Variants in MZT2A observed in about 807,000 individuals in gnomAD.
The protein encoded by MZT2A is mitotic-spindle organizing protein 2A.
Under a neutral mutation model 12.4 loss-of-function variants are expected in MZT2A, and 8 were observed. The ratio of observed to expected loss-of-function variants is 0.64; its 90% CI spans 0.38 to 1.16. The LOEUF (loss-of-function observed/expected upper bound fraction) is 1.16. Among genes scored for constraint, MZT2A ranks in the 50% most tolerant of loss-of-function variants. MZT2A has a pLI of 0.01. For synonymous variants in MZT2A, 88 were observed against 107.5 expected (o/e 0.82, Z 1.12); for missense variants, 181 against 223.6 (o/e 0.81, Z 1.22).
At chr2:131,491,072 GCTT>G in intron 2 of MZT2A, 2 of 999,200 alleles carry the variant, frequency 2.0e-6, no homozygotes, top group Non-Finnish European at 3.0e-6. Flanking sequence ...GTCTCCTCCT[GCTT>G]CCAGGCAGGG....
intron 2 of MZT2A, chr2:131,490,819 C>A: frequency 6.5e-7 from 1 of 1,549,926 alleles, no homozygotes; most frequent in Non-Finnish European, 8.7e-7. Context: ...CCAGAGAGGC[C>A]GCAGGCTGCG....
At chr2:131,479,223 C>T, downstream of MZT2A, 24 of 1,544,240 alleles carry the variant, frequency 1.6e-5, no homozygotes, top group Non-Finnish European at 2.1e-5. Context: ...AGCATGTGCT[C>T]TGTAGAAGTG....
upstream of MZT2A, chr2:131,493,085 C>T (rs541186528): frequency 1.2e-5 from 18 of 1,494,066 alleles, no homozygotes; most frequent in African/African-American, 1.4e-5. Flanking sequence ...CGTTTTGGCG[C>T]GGTGGCGGAA....
At chr2:131,490,630 C>A (rs1393983241) in intron 2 of MZT2A, 1 of 1,548,782 alleles carries the variant, frequency 6.5e-7, no homozygotes, top group African/African-American at 1.4e-5. Context: ...CAGCTCAAAG[C>A]TGCTTGGGCC....
chr2:131,470,768 AG>A (rs1394623822), intron 3 of MZT2A, among the ~76,000 whole-genome samples: 1 of 146,768 alleles, frequency 6.8e-6, no homozygotes, highest in Admixed American at 6.6e-5. Flanking sequence ...GATTTAAATC[AG>A]GCCAGGCACT....
intron 2 of MZT2A, among the ~76,000 whole-genome samples, chr2:131,485,076 G>A (rs1330998724): frequency 6.6e-6 from 1 of 152,162 alleles, no homozygotes; most frequent in Non-Finnish European, 1.5e-5. Flanking sequence ...CGGGTAGCAG[G>A]CTTGCCCGTG....
upstream of MZT2A, chr2:131,493,163 G>A (rs1447694734): frequency 7.0e-7 from 1 of 1,434,094 alleles, no homozygotes; most frequent in Admixed American, 2.9e-5. Flanking sequence ...GGACGCGCGC[G>A]TGAGACGGTC....
In MZT2A at chr2:131,489,961, C is replaced by T. The variant is rs1303965053; in HGVS notation, c.319+1915G>A. On this transcript the variant is annotated intron_variant, in intron 2 of 2. Transcript: ENST00000309451. ...GCAACATCTCCTGGAGTGACAAGAACTCTGTTCCCAGTTTCTCCCTCCTGC... is the reference window on the plus strand; with the variant it reads ...GCAACATCTCCTGGAGTGACAAGAATTCTGTTCCCAGTTTCTCCCTCCTGC... The T allele has an allele frequency of 4.1e-6, 4 of 978,244 alleles. No individual in the cohort carries two copies. The African/African-American group carries it at 7.0e-5, about 17-fold the overall frequency. 60.6% of individuals were successfully genotyped at this position (978,244 alleles called of 1,614,324 possible).
At chr2:131,480,632 G>A (rs1355660413), downstream of MZT2A, 1 of 1,613,602 alleles carries the variant, frequency 6.2e-7, no homozygotes, top group African/African-American at 1.3e-5. Context: ...GCAAGTACAT[G>A]GCCTGCTGCA....
At chr2:131,477,413 A>G (rs6731616) in intron 2 of MZT2A, among the ~76,000 whole-genome samples, 25,911 of 152,124 alleles carry the variant, frequency 0.17, 4,049 homozygotes, top group African/African-American at 0.41. Flanking sequence ...TACAGGCTTC[A>G]AGGGGTAGAG....
chr2:131,493,132 G>A (rs1001364199), upstream of MZT2A: 36 of 1,473,546 alleles, frequency 2.4e-5, no homozygotes, highest in Non-Finnish European at 2.8e-5. Context: ...GACGCTATGG[G>A]TCCCACAGGT....
At chr2:131,482,995 G>A (rs1573864866), downstream of MZT2A, 9 of 1,385,592 alleles carry the variant, frequency 6.5e-6, no homozygotes, top group East Asian at 2.2e-4. Context: ...CCTAGAGCCT[G>A]CATGGACAGC....
chr2:131,482,673 A>G (rs1345664780), downstream of MZT2A: 7 of 1,614,078 alleles, frequency 4.3e-6, no homozygotes, highest in East Asian at 4.5e-5. Context: ...CGCCTGGACC[A>G]TAAGTTCGAT....
chr2:131,484,496 C>T (rs1287441090), intron 2 of MZT2A, among the ~76,000 whole-genome samples: 1 of 152,222 alleles, frequency 6.6e-6, no homozygotes, highest in African/African-American at 2.4e-5. Flanking sequence ...TTTGAAAGGA[C>T]ACATGCCACG....
intron 2 of MZT2A, chr2:131,491,535 T>C (rs1479554725): frequency 1.3e-5 from 6 of 458,988 alleles, no homozygotes; most frequent in East Asian, 8.5e-5. Flanking sequence ...CCAAAGATTA[T>C]AGGCGTGAGC....
chr2:131,472,156 G>A (rs765724523), exon 3 of MZT2A: 18 of 1,288,956 alleles, frequency 1.4e-5, no homozygotes, highest in Admixed American at 4.6e-5. Context: ...TTGAGGCGCC[G>A]CCTTGTCCTC....
downstream of MZT2A, chr2:131,482,773 A>C: frequency 2.5e-6 from 4 of 1,614,176 alleles, no homozygotes; most frequent in Middle Eastern, 3.3e-4. Context: ...AGGACCTGGC[A>C]GCTCTAGAGA....
downstream of MZT2A, among the ~76,000 whole-genome samples, chr2:131,483,255 G>C (rs1476705638): frequency 6.6e-6 from 1 of 152,186 alleles, no homozygotes; most frequent in Non-Finnish European, 1.5e-5. Flanking sequence ...GGAGGTCTGT[G>C]GATGGGGCTT....
downstream of MZT2A, among the ~76,000 whole-genome samples, chr2:131,483,248 G>T (rs1169754483): frequency 1.3e-5 from 2 of 152,154 alleles, no homozygotes; most frequent in Non-Finnish European, 2.9e-5. Context: ...AAGTGTTGGA[G>T]GTCTGTGGAT....
Sources: gnomAD v4.1 joint callset for allele counts (sites outside exome capture counted in the v4.1 genomes callset) on GRCh38, gnomAD v4.1.1 for gene constraint, MANE v1.5 for transcripts, NCBI Gene and HGNC (gene_info 2026-07-23, HGNC 2026-07-21) for gene names.